Variants in ITGAL observed in about 807,000 individuals in gnomAD.
ITGAL encodes integrin alpha-L.
A neutral mutation model predicts 138.4 loss-of-function variants in ITGAL; 68 were observed. The observed-to-expected ratio is 0.49, with a 90% confidence interval of 0.40 to 0.60. ITGAL has a LOEUF of 0.60. ITGAL is among the 20% of genes least tolerant of loss of function. The pLI, the probability that ITGAL is intolerant of heterozygous loss-of-function variation, is 0.00. For synonymous variants in ITGAL, 561 were observed against 584.3 expected (o/e 0.96, Z 0.57); for missense variants, 1,256 against 1,478.6 (o/e 0.85, Z 2.47).
chr16:30,476,798 T>C (rs572352493), intron 4 of ITGAL, among the ~76,000 whole-genome samples: 1 of 152,200 alleles, frequency 6.6e-6, no homozygotes, highest in African/African-American at 2.4e-5. Context: ...ATGCCTTGGC[T>C]AATTTTTGTA....
chr16:30,501,910 G>A (rs114368619), intron 17 of ITGAL, among the ~76,000 whole-genome samples: 2,288 of 151,990 alleles, frequency 0.015, 55 homozygotes, highest in African/African-American at 0.052. Context: ...GAGCGCACCT[G>A]TAGTCCCAGC....
chr16:30,511,154 G>C lies in ITGAL; in HGVS notation c.2786+18G>C. 6.3e-7 allele frequency: 1 copy of C among 1,593,322 alleles called. No homozygotes were observed. The highest frequency in any genetic ancestry group is 2.2e-5 in the East Asian group (1 of 44,754). On this transcript the variant is annotated intron_variant, in intron 24 of 30. Transcript: ENST00000356798. ...ATCCAGGAGTAAGTTCTTCCCAGCAGACAGCCAACCCTCTCCTCCCACCGC... is the reference window on the plus strand; with the variant it reads ...ATCCAGGAGTAAGTTCTTCCCAGCACACAGCCAACCCTCTCCTCCCACCGC...
intron 21 of ITGAL, among the ~76,000 whole-genome samples, chr16:30,508,633 G>A (rs940633655): frequency 4.6e-5 from 7 of 152,216 alleles, no homozygotes; most frequent in South Asian, 4.1e-4. Flanking sequence ...GTTCGAGGCC[G>A]CTGTGAGCTA....
In ITGAL at chr16:30,494,848, C is replaced by G; in HGVS notation, c.1501C>G (p.Gln501Glu). 6.3e-7 allele frequency: 1 copy of G among 1,590,454 alleles called. No individual in the cohort carries two copies. The highest frequency in any genetic ancestry group is 8.6e-7 in the Non-Finnish European group (1 of 1,163,806). Residue 501 changes from glutamine (Q) to glutamate (E), a missense_variant and splice_region_variant, in exon 13 of 31, where the codon CAG (glutamine) becomes GAG (glutamate). Gln to Glu is a conservative substitution (Grantham distance 29). Around this residue, in one of 3 missense-constraint regions of ITGAL, gnomAD observed 867 missense variants for 972.5 expected, o/e 0.89. Transcript: ENST00000356798. The surrounding 1 kb of genome is among the most constrained non-coding windows in gnomAD (Gnocchi z 4.2). ...GGRVFIYQRR[Q>E]LGFEEVSELQ... The stretch of plus-strand genomic sequence containing the variant: ...CCGGGTGTTTATCTACCAGAGAAGA[C>G]AGGTGGGGCCAGGATCTGGAGCTGA...
rs1567466768 is a variant in ITGAL, at chr16:30,484,180, G to A, written c.923G>A (p.Ser308Asn). The change falls in exon 9 of 31, where the codon AGC becomes AAC. Residue 308 changes from serine to asparagine, a missense_variant. Ser to Asn is a conservative substitution (Grantham distance 46, BLOSUM62 1). Coordinates refer to ENST00000356798, the MANE Select transcript of ITGAL (RefSeq NM_002209.3). ...TLHKFASKPA[S>N]EFVKILDTFE... ...CACAAATTTGCATCAAAACCCGCGA[G>A]CGAGTTTGTGAAAATTCTGGACACA... 3.7e-6 allele frequency: 6 copies of A among 1,614,124 alleles called. No individual in the cohort carries two copies. The highest frequency in any genetic ancestry group is 4.2e-6 in the Non-Finnish European group (5 of 1,180,018).
intron 2 of ITGAL, among the ~76,000 whole-genome samples, chr16:30,474,881 G>C (rs1045006974): frequency 6.8e-6 from 1 of 147,742 alleles, no homozygotes; most frequent in African/African-American, 2.5e-5. Context: ...TTTTGAGAGG[G>C]AGTTTTCGCT....
rs773633222 is a variant in ITGAL, at chr16:30,479,442, T to C, written c.557T>C (p.Leu186Pro). ...TTCATGAAGGATGTGATGAAGAAAC[T>C]CAGCAACACTTCGTACCAGGTAAAA... ...LDFMKDVMKK[L>P]SNTSYQFAAV... Residue 186 changes from leucine to proline, a missense_variant, in exon 6 of 31, where the codon CTC becomes CCC. Physicochemically the swap from Leu to Pro is moderately conservative, Grantham distance 98. Transcript: ENST00000356798. The C allele has an allele frequency of 6.2e-7, 1 of 1,614,060 alleles. No homozygotes were observed. The highest frequency in any genetic ancestry group is 1.7e-4 in the Middle Eastern group (1 of 6,060).
At position 30,494,393 on chromosome 16, in the gene ITGAL, C is replaced by T. The variant is rs781765718; in HGVS notation, c.1365+30C>T. 2.5e-6 allele frequency: 4 copies of T among 1,572,220 alleles called. No homozygotes were observed. In the Admixed American group the frequency reaches 7.2e-5, roughly 28 times the overall value. On this transcript the variant is annotated intron_variant, in intron 12 of 30. Transcript: ENST00000356798. This position sits in a 1 kb window ranked among gnomAD's most constrained non-coding sequence, Gnocchi z 4.2. The stretch of plus-strand genomic sequence containing the variant: ...GCCCAGTCCGAGGGCATCTGCAGAC[C>T]AGGGACTGGCGGGACACACATCACA...
chr16:30,503,618 G>C (rs2050939741), intron 17 of ITGAL, among the ~76,000 whole-genome samples: 1 of 151,466 alleles, frequency 6.6e-6, no homozygotes, highest in South Asian at 2.1e-4. Flanking sequence ...GAAAGAAGGA[G>C]AGAAGGAAGG....
intron 11 of ITGAL, among the ~76,000 whole-genome samples, chr16:30,493,500 T>A (rs2050755276): frequency 6.6e-6 from 1 of 151,710 alleles, no homozygotes; most frequent in Non-Finnish European, 1.5e-5. Context: ...ATGGTCTCGA[T>A]CTCCTGACCT....
intron 17 of ITGAL, among the ~76,000 whole-genome samples, chr16:30,500,559 A>G (rs935776296): frequency 5.9e-5 from 9 of 151,322 alleles, no homozygotes; most frequent in Middle Eastern, 3.2e-3. Context: ...TATTAAAAAA[A>G]TTTTTTTAGA....
Position 30,480,024 on chromosome 16 carries a change from A to G in ITGAL, c.576+563A>G, listed in dbSNP as rs1401572399. ...TGGTGGCACGATCATAGCTCACTGT[A>G]GCCTCAAACTCCTGGGCTCAAATGA... On this transcript the variant is annotated intron_variant, in intron 6 of 30. Transcript: ENST00000356798. 2.0e-5 allele frequency among the ~76,000 whole-genome samples: 3 copies of G among 151,892 alleles called. No homozygotes were observed. The East Asian group carries it at 5.8e-4, about 29-fold the overall frequency.
intron 20 of ITGAL, 137 bp downstream of exon 20, chr16:30,505,599 T>C (rs2050976162): frequency 4.3e-6 from 3 of 695,816 alleles, no homozygotes; most frequent in South Asian, 1.8e-5. Context: ...AATTTGAGGC[T>C]GAACTCAGGG....
rs1430806720 is a variant in ITGAL, at chr16:30,502,194, G to A, written c.2146-1981G>A. On this transcript the variant is annotated intron_variant, in intron 17 of 30. Coordinates refer to ENST00000356798, the MANE Select transcript of ITGAL (RefSeq NM_002209.3). ...GGGCGGATCACGAGGTGAGGAGATT[G>A]AGACCATCCTGGCTAACACGGTGAA... 2.0e-5 allele frequency among the ~76,000 whole-genome samples: 3 copies of A among 150,068 alleles called. 1 individual carries two copies. The highest frequency in any genetic ancestry group is 4.4e-5 in the Non-Finnish European group (3 of 67,520).
At chr16:30,506,558 CAAAAAAAAAAAAAAAAAA>C (rs57722064) in intron 20 of ITGAL, among the ~76,000 whole-genome samples, 139 bp from the exon 21 acceptor site, 16 of 47,936 alleles carry the variant, frequency 3.3e-4, no homozygotes, top group Admixed American at 1.5e-3. Flanking sequence ...GACTCCATCT[CAAAAAAAAAAAAAAAAAA>C]AAAAAAAAAA....
intron 1 of ITGAL, chr16:30,473,836 G>C: frequency 4.5e-6 from 2 of 444,192 alleles, no homozygotes; most frequent in South Asian, 1.7e-5. Flanking sequence ...GGGTGGCAGA[G>C]GCGCACCCGG....
chr16:30,479,239 T>C, intron 5 of ITGAL, 31 bp downstream of exon 5: 2 of 1,613,250 alleles, frequency 1.2e-6, no homozygotes, highest in African/African-American at 1.3e-5. Context: ...TGGGTAAAAA[T>C]ACCTCCAAAT....
At chr16:30,505,893 A>G (rs2050983033) in intron 20 of ITGAL, among the ~76,000 whole-genome samples, 1 of 152,168 alleles carries the variant, frequency 6.6e-6, no homozygotes, top group Non-Finnish European at 1.5e-5. Flanking sequence ...AAAGCAAATA[A>G]AATAAAAAGC....
intron 16 of ITGAL, 30 bp downstream of exon 16, chr16:30,499,264 G>A (rs1315936729): frequency 1.9e-6 from 3 of 1,613,002 alleles, no homozygotes; most frequent in Non-Finnish European, 2.5e-6. Flanking sequence ...TCCCAGGGCA[G>A]CTGCCGCCCC....
Sources: gnomAD v4.1 joint callset for allele counts (sites outside exome capture counted in the v4.1 genomes callset) on GRCh38, gnomAD v4.1.1 for gene constraint, gnomAD v4.1.1 regional missense constraint, Gnocchi (gnomAD v3.1) non-coding constraint, MANE v1.5 for transcripts, NCBI Gene and HGNC (gene_info 2026-07-23, HGNC 2026-07-21) for gene names.